DPP8: variants seen among roughly 807,000 people sequenced by gnomAD.
DPP8 encodes dipeptidyl peptidase 8.
DPP8 carries 31 observed loss-of-function variants against 107.5 expected under a neutral mutation model. The ratio of observed to expected loss-of-function variants is 0.29; its 90% CI spans 0.22 to 0.39. DPP8 has a LOEUF of 0.39. Among genes scored for constraint, DPP8 ranks in the 10% least tolerant of loss-of-function variants. The probability of loss-of-function intolerance (pLI) is 1.00; values close to 1 mark genes in which losing one functional copy is unlikely to be tolerated. For missense variants in DPP8, 842 were observed against 1,076.1 expected (o/e 0.78, Z 3.04); for synonymous variants, 381 against 356.6 (o/e 1.07, Z -0.77).
chr15:65,456,408 A>G (rs751082190), intron 15 of DPP8, 37 bp from the exon 16 acceptor site: 1 of 1,584,402 alleles, frequency 6.3e-7, no homozygotes, highest in East Asian at 2.3e-5. Context: ...ATCATATGGA[A>G]GCATATAAAA....
chr15:65,454,777 G>A (rs2064266873), intron 16 of DPP8, among the ~76,000 whole-genome samples: 1 of 152,152 alleles, frequency 6.6e-6, no homozygotes, highest in African/African-American at 2.4e-5. Context: ...CACCCGCCTC[G>A]GCCTCCCAAA....
chr15:65,495,819 T>C (rs1264336919), intron 5 of DPP8, among the ~76,000 whole-genome samples: 1 of 147,650 alleles, frequency 6.8e-6, no homozygotes, highest in Non-Finnish European at 1.5e-5. Context: ...GAGGCGAAGG[T>C]TGCAGTGAGC....
chr15:65,510,189 G>A (rs991536188), intron 2 of DPP8, among the ~76,000 whole-genome samples: 3 of 151,716 alleles, frequency 2.0e-5, no homozygotes, highest in Non-Finnish European at 4.4e-5. Flanking sequence ...GGTGGCACAC[G>A]CCTGTAGGCC....
intron 3 of DPP8, among the ~76,000 whole-genome samples, chr15:65,506,746 T>C (rs571369024): frequency 6.7e-6 from 1 of 149,376 alleles, no homozygotes; most frequent in South Asian, 2.1e-4. Flanking sequence ...CTATTATATA[T>C]ATATGTTAAA....
At chr15:65,488,115 A>G (rs980572415) in intron 6 of DPP8, among the ~76,000 whole-genome samples, 2 of 152,218 alleles carry the variant, frequency 1.3e-5, no homozygotes, top group Non-Finnish European at 2.9e-5. Context: ...TCTTTGTTGA[A>G]AAATGAAATA....
Position 65,487,804 on chromosome 15 carries a change from T to A in DPP8, c.841A>T (p.Lys281Ter). 1 of 1,566,780 alleles carries A rather than the reference T, an allele frequency of 6.4e-7. No homozygotes were observed. The highest frequency in any genetic ancestry group is 8.8e-7 in the Non-Finnish European group (1 of 1,141,580). ...TCTTCATATAGAATTCTAAGAATTT[T>A]ACCACCACTGGGAGCTTAAAAGAAA... ...PKAETTPSGG[K>*]ILRILYEEND... Residue 281 changes from lysine to a stop codon, truncating the protein, a stop_gained, in exon 7 of 20, where the codon AAA (lysine) becomes TAA (stop). Transcript: ENST00000300141. LOFTEE classifies it high-confidence loss of function.
Position 65,487,737 on chromosome 15 carries a change from G to C in DPP8, c.908C>G (p.Pro303Arg). The C allele has an allele frequency of 6.2e-7, 1 of 1,608,770 alleles. No individual in the cohort carries two copies. The highest frequency in any genetic ancestry group is 8.5e-7 in the Non-Finnish European group (1 of 1,176,204). ...SEVEIIHVTS[P>R]MLETRRADSF... is the part of the protein sequence containing the mutation. ...ATCTGCCCTCCTTGTTTCCAACATA[G>C]GGGATGTAACATGAATAATTTCCAC... The change falls in exon 7 of 20, where the codon CCT (proline) becomes CGT (arginine). Residue 303 changes from proline to arginine, a missense_variant. Pro to Arg is a moderately radical substitution (Grantham distance 103, BLOSUM62 -2). Transcript: ENST00000300141.
chr15:65,444,860 ATC>A lies in DPP8; in HGVS notation c.*2022_*2023del, dbSNP rs1422248295. 6.6e-6 allele frequency: 1 copy of A among 152,220 alleles called. No homozygotes were observed. Among genetic ancestry groups the A allele is most frequent in the Non-Finnish European group, 1.5e-5 (1 of 68,080 alleles). 9.4% of individuals were successfully genotyped at this position (152,220 alleles called of 1,614,324 possible). On this transcript the variant is annotated 3_prime_UTR_variant, in exon 20 of 20. Coordinates refer to ENST00000300141, the MANE Select transcript of DPP8 (RefSeq NM_130434.5). Reference sequence around the variant, plus strand: ...TACTTTGCATATATTATAAGGATAGATCCTTCGAGGCCAGTTAGTCCAAACAA... The same window carrying A: ...TACTTTGCATATATTATAAGGATAGACTTCGAGGCCAGTTAGTCCAAACAA...
intron 16 of DPP8, chr15:65,455,578 T>C: frequency 1.2e-6 from 1 of 866,496 alleles, no homozygotes; most frequent in Non-Finnish European, 1.5e-6. Flanking sequence ...CCACCTTGTC[T>C]ATATTACTAG....
At chr15:65,450,255 A>C (rs1278143395) in intron 19 of DPP8, among the ~76,000 whole-genome samples, 1 of 152,204 alleles carries the variant, frequency 6.6e-6, no homozygotes, top group Non-Finnish European at 1.5e-5. Context: ...GGTATGAGCC[A>C]CTGTGCCGGG....
intron 5 of DPP8, among the ~76,000 whole-genome samples, chr15:65,495,834 A>G (rs1271041639): frequency 6.7e-6 from 1 of 148,690 alleles, no homozygotes; most frequent in Non-Finnish European, 1.5e-5. Context: ...GTGAGCAGAG[A>G]TCACACCACT....
intron 14 of DPP8, among the ~76,000 whole-genome samples, chr15:65,465,807 C>T (rs904367428): frequency 4.6e-5 from 7 of 152,144 alleles, no homozygotes; most frequent in African/African-American, 1.2e-4. Flanking sequence ...CCACCTACCT[C>T]GGCCTCCCAA....
chr15:65,493,086 TTC>T (rs979741229), intron 5 of DPP8, among the ~76,000 whole-genome samples: 2 of 152,068 alleles, frequency 1.3e-5, no homozygotes, highest in Non-Finnish European at 2.9e-5. Flanking sequence ...TTTTCTTTCT[TTC>T]TCTCTTTTTT....
chr15:65,448,911 TA>T (rs2063749845), intron 19 of DPP8, among the ~76,000 whole-genome samples: 1 of 89,110 alleles, frequency 1.1e-5, no homozygotes, highest in African/African-American at 4.1e-5. Flanking sequence ...TATATATATA[TA>T]TATATATATA....
chr15:65,451,929 TAAAAAA>T, intron 18 of DPP8, 25 bp downstream of exon 18: 3 of 1,433,678 alleles, frequency 2.1e-6, no homozygotes, highest in Non-Finnish European at 2.8e-6. Flanking sequence ...TGTCTCAATT[TAAAAAA>T]AAAAAAAAAA....
intron 1 of DPP8, chr15:65,515,665 T>C: frequency 6.2e-7 from 1 of 1,614,056 alleles, no homozygotes; most frequent in Non-Finnish European, 8.5e-7. Flanking sequence ...CCTGATTTTA[T>C]TTTCATCTGC....
At position 65,449,536 on chromosome 15, in the gene DPP8, A is replaced by G. The variant is rs2063812856; in HGVS notation, c.2526+1463T>C. On this transcript the variant is annotated intron_variant, in intron 19 of 19. Coordinates refer to ENST00000300141, the MANE Select transcript of DPP8 (RefSeq NM_130434.5). ...GCAATTCTCATGCCTCAGCTTCCTG[A>G]GTAGTTGGGATTACAGGCATGCACC... Among the ~76,000 whole-genome samples the G allele has an allele frequency of 2.6e-5, 4 of 151,894 alleles. No individual in the cohort carries two copies. The South Asian group carries it at 8.3e-4, about 32-fold the overall frequency.
intron 4 of DPP8, among the ~76,000 whole-genome samples, chr15:65,499,105 G>GTGTATA (rs1555468189): frequency 8.6e-4 from 120 of 138,814 alleles, no homozygotes; most frequent in African/African-American, 2.6e-3. Context: ...GTGTGTGTGT[G>GTGTATA]TATATATAAA....
chr15:65,498,059 T>G (rs2068784872), intron 4 of DPP8, 27 bp from the exon 5 acceptor site: 1 of 1,551,710 alleles, frequency 6.4e-7, no homozygotes, highest in African/African-American at 1.4e-5. Flanking sequence ...CATTTTAAGG[T>G]AAGTATTAGG....
Sources: gnomAD v4.1 joint callset for allele counts (sites outside exome capture counted in the v4.1 genomes callset) on GRCh38, gnomAD v4.1.1 for gene constraint, MANE v1.5 for transcripts, NCBI Gene and HGNC (gene_info 2026-07-23, HGNC 2026-07-21) for gene names.